PCDHGA10: variants seen among roughly 807,000 people sequenced by gnomAD.
PCDHGA10 encodes the protein protocadherin gamma subfamily A, 10.
Under a neutral mutation model 59.5 loss-of-function variants are expected in PCDHGA10, and 42 were observed. The observed-to-expected ratio is 0.71, with a 90% CI of 0.55 to 0.91. PCDHGA10 has a LOEUF of 0.91. PCDHGA10 is among the 40% of genes least tolerant of loss of function. PCDHGA10 has a pLI of 0.00. For synonymous variants in PCDHGA10, 511 were observed against 517.2 expected, an observed-to-expected ratio of 0.99 and a Z score of 0.16; for missense variants, 1,111 against 1,198.2, an observed-to-expected ratio of 0.93 and a Z score of 1.07.
At position 141,413,302 on chromosome 5, in the gene PCDHGA10, T is replaced by C. The variant is rs746274089; in HGVS notation, c.127T>C (p.Leu43=). The part of the protein sequence containing the change: ...RQISYSIPEE[L]EKGSFVGNIS... ...GATCTCCTACTCAATTCCTGAGGAA[T>C]TAGAGAAAGGCTCTTTCGTGGGCAA... is the stretch of plus-strand genomic sequence containing the variant. The change falls in exon 1 of 4, where the codon TTA becomes CTA. Residue 43 remains leucine, a synonymous_variant. Coordinates refer to ENST00000398610, the MANE Select transcript of PCDHGA10 (RefSeq NM_018913.3). The C allele has an allele frequency of 1.2e-6, 2 of 1,613,960 alleles. No homozygotes were observed. The highest frequency in any genetic ancestry group is 8.5e-7 in the Non-Finnish European group (1 of 1,179,906).
intron 3 of PCDHGA10, chr5:141,507,418 A>T (rs2099860509): frequency 6.6e-6 from 1 of 152,204 alleles, no homozygotes; most frequent in Non-Finnish European, 1.5e-5. Context: ...CTGTGAGGTT[A>T]AGTGGGGCCA....
At chr5:141,459,874 A>G (rs922438277) in intron 1 of PCDHGA10, among the ~76,000 whole-genome samples, 10 of 152,156 alleles carry the variant, frequency 6.6e-5, no homozygotes, top group African/African-American at 2.4e-4. Flanking sequence ...TTCATCTTTA[A>G]CTGAGCTGAA....
chr5:141,487,022 A>T lies in PCDHGA10; in HGVS notation c.2437-7785A>T. ...TCAGCTCCTGGAGGCCCCAGATCCC[A>T]GCCTGTTTGCAGTCTCTCGATATGC... On this transcript the variant is annotated intron_variant, in intron 1 of 3. Coordinates refer to ENST00000398610, the MANE Select transcript of PCDHGA10 (RefSeq NM_018913.3). The surrounding 1 kb of genome is among the most constrained non-coding windows in gnomAD (Gnocchi z 5.0). The T allele has an allele frequency of 1.2e-6, 2 of 1,614,212 alleles. No homozygotes were observed. Among genetic ancestry groups the T allele is most frequent in the Non-Finnish European group, 1.7e-6 (2 of 1,180,048 alleles).
At chr5:141,460,983 G>GTGTA (rs1554142949) in intron 1 of PCDHGA10, among the ~76,000 whole-genome samples, 1,579 of 137,794 alleles carry the variant, frequency 0.011, 39 homozygotes, top group African/African-American at 0.038. Context: ...GTGTGTGTGT[G>GTGTA]TATATATATA....
Position 141,413,077 on chromosome 5 carries a change from G to A in PCDHGA10, c.-99G>A, listed in dbSNP as rs2095603422. ...TCACTCCAGAATTTAAAGTGCCCAGGCTACAGAGACACCCTGAAGCCACAG... is the reference window on the plus strand; with the variant it reads ...TCACTCCAGAATTTAAAGTGCCCAGACTACAGAGACACCCTGAAGCCACAG... On this transcript the variant is annotated 5_prime_UTR_variant, in exon 1 of 4. Coordinates refer to ENST00000398610, the MANE Select transcript of PCDHGA10 (RefSeq NM_018913.3). 7.8e-7 allele frequency: 1 copy of A among 1,287,542 alleles called. No homozygotes were observed. The highest frequency in any genetic ancestry group is 1.5e-5 in the African/African-American group (1 of 67,056). The allele number at this position is 1,287,542 out of a possible 1,614,324, so 79.8% of individuals were successfully genotyped here.
In PCDHGA10 at chr5:141,490,673, C is replaced by T; in HGVS notation, c.2437-4134C>T. ...GGCTCCCTTCTTTGCACTGTGGCTG[C>T]CTCAGATCCAGACACTGGGGATAAT... On this transcript the variant is annotated intron_variant, in intron 1 of 3. Coordinates refer to ENST00000398610, the MANE Select transcript of PCDHGA10 (RefSeq NM_018913.3). This position sits in a 1 kb window ranked among gnomAD's most constrained non-coding sequence, Gnocchi z 5.4. 1.2e-6 allele frequency: 2 copies of T among 1,614,126 alleles called. No homozygotes were observed. The highest frequency in any genetic ancestry group is 1.7e-6 in the Non-Finnish European group (2 of 1,179,952).
chr5:141,475,213 G>C (rs1359120020), intron 1 of PCDHGA10, among the ~76,000 whole-genome samples: 2 of 152,170 alleles, frequency 1.3e-5, no homozygotes, highest in African/African-American at 4.8e-5. Context: ...GAAAAGGATT[G>C]ATCAAGTAAA....
At chr5:141,434,978 C>G (rs1287204052) in intron 1 of PCDHGA10, among the ~76,000 whole-genome samples, 2 of 151,700 alleles carry the variant, frequency 1.3e-5, no homozygotes, top group Non-Finnish European at 2.9e-5. Flanking sequence ...TTTGTTAATA[C>G]TCTATATCAT....
Position 141,491,987 on chromosome 5 carries a change from T to A in PCDHGA10, c.2437-2820T>A. The A allele has an allele frequency of 1.4e-6, 1 of 736,922 alleles. No individual in the cohort carries two copies. The highest frequency in any genetic ancestry group is 2.0e-6 in the Non-Finnish European group (1 of 490,378). The allele number at this position is 736,922 out of a possible 1,614,324, so 45.6% of individuals were successfully genotyped here. On this transcript the variant is annotated intron_variant, in intron 1 of 3. Coordinates refer to ENST00000398610, the MANE Select transcript of PCDHGA10 (RefSeq NM_018913.3). The surrounding 1 kb of genome is among the most constrained non-coding windows in gnomAD (Gnocchi z 6.9). ...GCCGGGGCCTCCTTCGAGCTTCCGG[T>A]GAATTTCGGGCGATTTCCGCGGGTG...
At chr5:141,507,447 G>A (rs998019159) in intron 3 of PCDHGA10, among the ~76,000 whole-genome samples, 1 of 152,226 alleles carries the variant, frequency 6.6e-6, no homozygotes, top group Non-Finnish European at 1.5e-5. Flanking sequence ...GCTGACGGAA[G>A]GACAGAGAGA....
chr5:141,494,756 A>G (rs780402065), intron 1 of PCDHGA10, 51 bp from the exon 2 acceptor site: 2 of 1,613,460 alleles, frequency 1.2e-6, no homozygotes, highest in South Asian at 1.1e-5. Context: ...CTCGGGTGAC[A>G]TTCTAACTTC....
Position 141,432,667 on chromosome 5 carries a change from C to T in PCDHGA10, c.2436+17056C>T, listed in dbSNP as rs1312138743. ...CGGCGCGAGCCCTGCTGGACAGAGACGCGCTCAAGCAGAGCCTCGTAGTGG... is the reference window on the plus strand; with the variant it reads ...CGGCGCGAGCCCTGCTGGACAGAGATGCGCTCAAGCAGAGCCTCGTAGTGG... On this transcript the variant is annotated intron_variant, in intron 1 of 3. Transcript: ENST00000398610. This position sits in a 1 kb window ranked among gnomAD's most constrained non-coding sequence, Gnocchi z 6.0. The T allele has an allele frequency of 1.2e-6, 2 of 1,613,876 alleles. No individual in the cohort carries two copies. The highest frequency in any genetic ancestry group is 1.1e-5 in the South Asian group (1 of 91,066).
At position 141,487,152 on chromosome 5, in the gene PCDHGA10, C is replaced by T. The variant is rs772254681; in HGVS notation, c.2437-7655C>T. On this transcript the variant is annotated intron_variant, in intron 1 of 3. Coordinates refer to ENST00000398610, the MANE Select transcript of PCDHGA10 (RefSeq NM_018913.3). The surrounding 1 kb of genome is among the most constrained non-coding windows in gnomAD (Gnocchi z 5.0). ...AGTCCACCACTCTCTACCTCTGTTA[C>T]TCTCTTAGTGTCCTTAGAGGAAGAC... 3.7e-6 allele frequency: 6 copies of T among 1,613,860 alleles called. No homozygotes were observed. Among genetic ancestry groups the T allele is most frequent in the Non-Finnish European group, 5.1e-6 (6 of 1,179,828 alleles).
intron 1 of PCDHGA10, among the ~76,000 whole-genome samples, chr5:141,474,644 C>G (rs1016496399): frequency 4.6e-5 from 7 of 152,180 alleles, no homozygotes; most frequent in Non-Finnish European, 1.0e-4. Flanking sequence ...CCTATATATC[C>G]TTACTTCTTT....
Position 141,476,641 on chromosome 5 carries a change from C to A in PCDHGA10, c.2437-18166C>A, listed in dbSNP as rs1183948220. The A allele has an allele frequency of 1.2e-6, 2 of 1,614,256 alleles. No homozygotes were observed. The highest frequency in any genetic ancestry group is 1.7e-5 in the Admixed American group (1 of 60,030). On this transcript the variant is annotated intron_variant, in intron 1 of 3. Transcript: ENST00000398610. This position sits in a 1 kb window ranked among gnomAD's most constrained non-coding sequence, Gnocchi z 7.6. ...ACTCTTTACAAACCTATGAGCTGAG[C>A]CGAAATGAATACTTTGCGCTTCGCG... is the stretch of plus-strand genomic sequence containing the variant.
chr5:141,423,121 G>T lies in PCDHGA10; in HGVS notation c.2436+7510G>T, dbSNP rs368205535. The T allele has an allele frequency of 5.6e-6, 9 of 1,613,680 alleles. No homozygotes were observed. The African/African-American group carries it at 1.1e-4, about 19-fold the overall frequency. ...CACGGGCGAGGTGCGTACAGCGCGG[G>T]CACTGCTGGACAGAGACGCGCTCAA... On this transcript the variant is annotated intron_variant, in intron 1 of 3. Coordinates refer to ENST00000398610, the MANE Select transcript of PCDHGA10 (RefSeq NM_018913.3).
chr5:141,421,498 A>T (rs1303740754), intron 1 of PCDHGA10: 2 of 1,613,952 alleles, frequency 1.2e-6, no homozygotes, highest in African/African-American at 1.3e-5. Context: ...GGCAGGCAGG[A>T]TAGACCGGGA....
chr5:141,422,719 CA>C (rs2096667277), intron 1 of PCDHGA10: 1 of 1,604,786 alleles, frequency 6.2e-7, no homozygotes, highest in Admixed American at 1.7e-5. Flanking sequence ...TGACACTGTC[CA>C]GGGGGTGCCT....
intron 1 of PCDHGA10, chr5:141,419,680 C>T (rs757026598): frequency 9.3e-6 from 15 of 1,612,946 alleles, no homozygotes; most frequent in Non-Finnish European, 1.3e-5. Flanking sequence ...TGTCCTACCA[C>T]GTGGTGCAGG....
Sources: gnomAD v4.1 joint callset for allele counts (sites outside exome capture counted in the v4.1 genomes callset) on GRCh38, gnomAD v4.1.1 for gene constraint, Gnocchi (gnomAD v3.1) non-coding constraint, MANE v1.5 for transcripts, NCBI Gene and HGNC (gene_info 2026-07-23, HGNC 2026-07-21) for gene names.